Variants in LAMA2 observed in about 807,000 individuals in gnomAD.
LAMA2 encodes the protein laminin subunit alpha-2.
LAMA2 carries 269 observed loss-of-function variants against 364.8 expected under a neutral mutation model. The observed-to-expected ratio is 0.74, with a 90% CI of 0.67 to 0.82. The LOEUF (loss-of-function observed/expected upper bound fraction) is 0.82, where lower values mean the gene tolerates loss of function less well. Ranked by LOEUF, LAMA2 falls within the 40% of genes least tolerant of loss-of-function variation. The pLI is 0.00. For synonymous variants in LAMA2, 1,379 were observed against 1,370.6 expected, an observed-to-expected ratio of 1.01 and a Z score of -0.14; for missense variants, 3,807 against 3,873.2, an observed-to-expected ratio of 0.98 and a Z score of 0.45.
chr6:128,898,688 A>G (rs754705406), intron 1 of LAMA2, among the ~76,000 whole-genome samples: 80 of 152,228 alleles, frequency 5.3e-4, no homozygotes, highest in Non-Finnish European at 9.8e-4. Context: ...GAACTCTGAA[A>G]ATAGTAAATC....
Position 129,516,413 on chromosome 6 carries a change from T to A in LAMA2, c.*66T>A. 1 of 1,456,454 alleles carries A rather than the reference T, an allele frequency of 6.9e-7. No individual in the cohort carries two copies. Among genetic ancestry groups the A allele is most frequent in the Admixed American group, 1.9e-5 (1 of 52,964 alleles). The allele number at this position is 1,456,454 out of a possible 1,614,324, so 90.2% of individuals were successfully genotyped here. A position where few individuals can be genotyped will look rare whatever the true frequency, so the allele number is the denominator to read the frequency against. ...GTATATCAAGTAAAACAAACAAATATATTTTACCTATATATGTTAATTAAA... is the reference window on the plus strand; with the variant it reads ...GTATATCAAGTAAAACAAACAAATAAATTTTACCTATATATGTTAATTAAA... On this transcript the variant is annotated 3_prime_UTR_variant, in exon 65 of 65. Transcript: ENST00000421865.
At chr6:129,427,604 C>A in intron 40 of LAMA2, 148 bp from the exon 41 acceptor site, 1 of 670,554 alleles carries the variant, frequency 1.5e-6, no homozygotes, top group South Asian at 1.6e-5. Context: ...ACTTTAACTA[C>A]CGAATATGTG....
At chr6:129,452,424 T>G (rs1268450775) in intron 45 of LAMA2, among the ~76,000 whole-genome samples, 1 of 152,188 alleles carries the variant, frequency 6.6e-6, no homozygotes, top group Non-Finnish European at 1.5e-5. Flanking sequence ...AAGGTACAAT[T>G]TATTCTGAAA....
intron 36 of LAMA2, among the ~76,000 whole-genome samples, chr6:129,392,165 G>A (rs959507553): frequency 6.6e-6 from 1 of 152,180 alleles, no homozygotes; most frequent in African/African-American, 2.4e-5. Context: ...AATAAGAGTT[G>A]CGAATATGAG....
chr6:129,055,335 G>A (rs965092440), intron 2 of LAMA2, among the ~76,000 whole-genome samples: 3 of 151,806 alleles, frequency 2.0e-5, no homozygotes, highest in Non-Finnish European at 4.4e-5. Flanking sequence ...GGGACTACAC[G>A]CGTGTGCCAC....
Position 129,226,517 on chromosome 6 carries a change from G to A in LAMA2, c.1783-23595G>A, listed in dbSNP as rs1338397034. Among the ~76,000 whole-genome samples, 6 of 152,090 alleles carry A rather than the reference G, an allele frequency of 3.9e-5. No individual in the cohort carries two copies. In the East Asian group the frequency reaches 9.6e-4, roughly 24 times the overall value. ...GCACTTCCTTCAGGAGCTCTTTTAG[G>A]GCAGGCCTGGTGGTGACAAAATCTC... On this transcript the variant is annotated intron_variant, in intron 12 of 64. Coordinates refer to ENST00000421865, the MANE Select transcript of LAMA2 (RefSeq NM_000426.4).
chr6:128,933,230 C>CTGTGTGTGTGTG (rs71028134), intron 1 of LAMA2, among the ~76,000 whole-genome samples: 1 of 146,188 alleles, frequency 6.8e-6, no homozygotes, highest in Non-Finnish European at 1.5e-5. Context: ...CCCTCTCTTT[C>CTGTGTGTGTGTG]TGTGTGTGTG....
At chr6:129,362,598 A>G (rs536477323) in intron 32 of LAMA2, among the ~76,000 whole-genome samples, 2 of 152,372 alleles carry the variant, frequency 1.3e-5, no homozygotes, top group South Asian at 4.1e-4. Flanking sequence ...TTAACTGTGT[A>G]CAAGACCCTT....
At chr6:129,483,068 A>G (rs572606651) in intron 55 of LAMA2, among the ~76,000 whole-genome samples, 14 of 137,570 alleles carry the variant, frequency 1.0e-4, no homozygotes, top group Non-Finnish European at 1.7e-4. Flanking sequence ...CTCCGACTCG[A>G]AAAAAAAAAA....
At chr6:129,418,892 G>T (rs1471274655) in intron 40 of LAMA2, among the ~76,000 whole-genome samples, 1 of 151,988 alleles carries the variant, frequency 6.6e-6, no homozygotes, top group Non-Finnish European at 1.5e-5. Flanking sequence ...GATAAAAGTG[G>T]TATATATTTA....
intron 1 of LAMA2, among the ~76,000 whole-genome samples, chr6:128,957,836 A>ATTTTTTTTTTTTTTTT (rs10652900): frequency 9.6e-4 from 49 of 51,238 alleles, no homozygotes; most frequent in Non-Finnish European, 1.3e-3. Flanking sequence ...TACTTCATGC[A>ATTTTTTTTTTTTTTTT]TTTTTTTTTT....
intron 1 of LAMA2, among the ~76,000 whole-genome samples, chr6:128,921,709 T>TTTTTTTG (rs1778740659): frequency 7.5e-6 from 1 of 133,446 alleles, no homozygotes; most frequent in African/African-American, 3.4e-5. Context: ...TTTTTTTTTT[T>TTTTTTTG]TTTTATTATT....
intron 3 of LAMA2, among the ~76,000 whole-genome samples, chr6:129,084,423 T>C (rs1173899449): frequency 6.8e-5 from 1 of 14,812 alleles, no homozygotes; most frequent in African/African-American, 1.3e-4. Flanking sequence ...GTGATACATT[T>C]CTAAAATGTT....
In LAMA2 at chr6:129,353,348, G is replaced by T. The variant is rs1218997631; in HGVS notation, c.4708G>T (p.Glu1570Ter). 1.2e-6 allele frequency: 2 copies of T among 1,613,846 alleles called. No homozygotes were observed. The highest frequency in any genetic ancestry group is 1.3e-5 in the African/African-American group (1 of 75,000). The change falls in exon 32 of 65, where the codon GAG (glutamate) becomes TAG (stop). Residue 1570 changes from glutamate to a stop codon, truncating the protein, a stop_gained. Transcript: ENST00000421865. LOFTEE classifies it high-confidence loss of function. ...CKHWHAREGW[E>*]CVFCGDECTG... ...GCACTGGCATGCACGCGAGGGCTGGGAGTGTGTTTGTACGTATACTAACTT... is the reference window on the plus strand; with the variant it reads ...GCACTGGCATGCACGCGAGGGCTGGTAGTGTGTTTGTACGTATACTAACTT...
intron 1 of LAMA2, among the ~76,000 whole-genome samples, chr6:129,022,120 ATTG>A (rs1168615876): frequency 6.6e-6 from 1 of 152,172 alleles, no homozygotes; most frequent in Non-Finnish European, 1.5e-5. Flanking sequence ...TGGTTTTGCC[ATTG>A]TTGTTGTATT....
intron 4 of LAMA2, among the ~76,000 whole-genome samples, chr6:129,107,874 G>A (rs1775921853): frequency 6.6e-6 from 1 of 152,102 alleles, no homozygotes. Context: ...TGTGTCTGGG[G>A]TTTCCTGGAA....
chr6:129,394,235 A>G (rs1315895727), intron 37 of LAMA2, among the ~76,000 whole-genome samples: 1 of 152,238 alleles, frequency 6.6e-6, no homozygotes, highest in African/African-American at 2.4e-5. Context: ...CAGGTCAGAA[A>G]ACAGCAGCAG....
chr6:129,270,542 A>T, intron 16 of LAMA2, 82 bp from the exon 17 acceptor site: 1 of 1,403,808 alleles, frequency 7.1e-7, no homozygotes, highest in Non-Finnish European at 1.0e-6. Flanking sequence ...GGAGCAGACT[A>T]ATGACTTCGT....
intron 6 of LAMA2, among the ~76,000 whole-genome samples, 161 bp downstream of exon 6, chr6:129,147,209 G>A (rs1304484286): frequency 6.6e-6 from 1 of 151,354 alleles, no homozygotes; most frequent in African/African-American, 2.4e-5. Flanking sequence ...CTGGCAGTTA[G>A]GATGATAGAC....
Sources: gnomAD v4.1 joint callset for allele counts (sites outside exome capture counted in the v4.1 genomes callset) on GRCh38, gnomAD v4.1.1 for gene constraint, MANE v1.5 for transcripts, NCBI Gene and HGNC (gene_info 2026-07-23, HGNC 2026-07-21) for gene names.